Variants in SDK1 observed in about 807,000 individuals in gnomAD.
SDK1 encodes sidekick cell adhesion molecule 1, also known as protein sidekick-1.
In SDK1, 157 loss-of-function variants were observed where a neutral mutation model predicts 245.5. The ratio of observed to expected loss-of-function variants is 0.64; its 90% CI spans 0.56 to 0.73. The LOEUF (loss-of-function observed/expected upper bound fraction) is 0.73. SDK1 is among the 30% of genes least tolerant of loss of function. The probability of loss-of-function intolerance (pLI) is 0.00; values close to 1 mark genes in which losing one functional copy is unlikely to be tolerated. For missense variants in SDK1, 3,583 were observed against 3,002.3 expected, an observed-to-expected ratio of 1.19 and a Z score of -4.52; for synonymous variants, 1,647 against 1,278.5, an observed-to-expected ratio of 1.29 and a Z score of -6.15.
intron 4 of SDK1, among the ~76,000 whole-genome samples, chr7:3,684,730 G>T (rs1312757794): frequency 2.0e-5 from 3 of 149,250 alleles, no homozygotes; most frequent in Non-Finnish European, 3.0e-5. Context: ...AAAGTGCTTC[G>T]GTAAGTAATT....
intron 39 of SDK1, 21 bp downstream of exon 39, chr7:4,220,291 A>G (rs748788112): frequency 1.2e-6 from 2 of 1,604,436 alleles, no homozygotes. Flanking sequence ...CTCCAGGGGC[A>G]GACAATGTCA....
chr7:4,190,258 A>G (rs1366191558), intron 35 of SDK1, among the ~76,000 whole-genome samples: 2 of 152,196 alleles, frequency 1.3e-5, no homozygotes, highest in African/African-American at 4.8e-5. Context: ...TGCAAACCAC[A>G]GGCCGCCCCT....
intron 5 of SDK1, among the ~76,000 whole-genome samples, chr7:3,886,325 A>G (rs1291950267): frequency 6.6e-6 from 1 of 152,226 alleles, no homozygotes; most frequent in African/African-American, 2.4e-5. Context: ...AGAGATAGAG[A>G]TGCCGGACAT....
At chr7:3,449,289 G>C (rs761962897) in intron 1 of SDK1, among the ~76,000 whole-genome samples, 1 of 151,462 alleles carries the variant, frequency 6.6e-6, no homozygotes, top group Non-Finnish European at 1.5e-5. Context: ...GCCCTGCACA[G>C]AGCGATCAGA....
intron 1 of SDK1, among the ~76,000 whole-genome samples, chr7:3,529,160 A>G (rs968130294): frequency 2.6e-5 from 4 of 152,192 alleles, no homozygotes; most frequent in African/African-American, 9.7e-5. Context: ...GGAAGTATTA[A>G]TGTAAACACA....
intron 1 of SDK1, among the ~76,000 whole-genome samples, chr7:3,549,815 T>G (rs761558650): frequency 1.3e-5 from 2 of 152,068 alleles, no homozygotes; most frequent in East Asian, 3.9e-4. Context: ...CCAGCTAATG[T>G]GTTAACAGAG....
chr7:4,174,095 C>T, intron 32 of SDK1, 127 bp from the exon 33 acceptor site: 2 of 967,458 alleles, frequency 2.1e-6, no homozygotes, highest in African/African-American at 1.6e-5. Context: ...AATCTGACAC[C>T]TGTCGCTGGA....
intron 1 of SDK1, among the ~76,000 whole-genome samples, chr7:3,575,963 C>T (rs1039948253): frequency 1.3e-5 from 2 of 151,884 alleles, no homozygotes; most frequent in East Asian, 1.9e-4. Flanking sequence ...AGCCAGGTCA[C>T]CAGTGATTGA....
intron 1 of SDK1, among the ~76,000 whole-genome samples, chr7:3,594,892 G>C (rs893540975): frequency 1.7e-4 from 26 of 152,116 alleles, no homozygotes; most frequent in African/African-American, 2.4e-5. Context: ...AAAAGAAAAT[G>C]TTATTTCTAG....
In SDK1 at chr7:4,235,362, C is replaced by T. The variant is rs569448661; in HGVS notation, c.5992+1943C>T. ...TATTTTTAGTAGATACAGGGTTTCA[C>T]CCTGTTGGCCAGGCTGGTCTCGAAC... On this transcript the variant is annotated intron_variant, in intron 41 of 44. Coordinates refer to ENST00000404826, the MANE Select transcript of SDK1 (RefSeq NM_152744.4). Among the ~76,000 whole-genome samples, 16 of 152,290 alleles carry T rather than the reference C, an allele frequency of 1.1e-4. No individual in the cohort carries two copies. The South Asian group carries it at 3.3e-3, about 32-fold the overall frequency.
At chr7:3,753,065 A>G (rs1309310436) in intron 4 of SDK1, among the ~76,000 whole-genome samples, 1 of 152,194 alleles carries the variant, frequency 6.6e-6, no homozygotes, top group Non-Finnish European at 1.5e-5. Flanking sequence ...GAGATCTTTC[A>G]ATGTACTGCC....
chr7:4,083,159 C>T (rs190903594), intron 22 of SDK1, among the ~76,000 whole-genome samples: 1 of 152,136 alleles, frequency 6.6e-6, no homozygotes, highest in East Asian at 1.9e-4. Flanking sequence ...CAGCTTTTGA[C>T]TTAGCTACAC....
intron 1 of SDK1, among the ~76,000 whole-genome samples, chr7:3,508,944 G>A (rs1181766738): frequency 1.3e-5 from 2 of 152,180 alleles, no homozygotes; most frequent in Non-Finnish European, 2.9e-5. Context: ...TGCTCTTAAA[G>A]GATAAACATA....
At position 4,132,432 on chromosome 7, in the gene SDK1, G is replaced by A. The variant is rs1270005424; in HGVS notation, c.4228+9G>A. The A allele has an allele frequency of 1.9e-6, 3 of 1,596,676 alleles. No individual in the cohort carries two copies. The highest frequency in any genetic ancestry group is 3.4e-5 in the Admixed American group (2 of 59,434). On this transcript the variant is annotated intron_variant, in intron 28 of 44. Transcript: ENST00000404826. ...CAACGGCATCATCCTGGGTAAGGGA[G>A]CGGCGGTGGCCGGGCGTGGTGGCTC...
chr7:3,781,441 G>T (rs1780733899), intron 4 of SDK1, among the ~76,000 whole-genome samples: 1 of 152,112 alleles, frequency 6.6e-6, no homozygotes, highest in Non-Finnish European at 1.5e-5. Context: ...ATCTATTCCT[G>T]TCAAAGAACA....
chr7:3,630,254 A>G (rs1348173117), intron 2 of SDK1, among the ~76,000 whole-genome samples: 1 of 152,248 alleles, frequency 6.6e-6, no homozygotes, highest in Non-Finnish European at 1.5e-5. Flanking sequence ...TGGAGTTACC[A>G]GCCAGTGCAA....
intron 4 of SDK1, among the ~76,000 whole-genome samples, chr7:3,679,653 C>A (rs935008512): frequency 6.6e-6 from 1 of 152,180 alleles, no homozygotes; most frequent in Non-Finnish European, 1.5e-5. Flanking sequence ...ATGAAAATAC[C>A]TTTGCCATCA....
chr7:3,482,572 G>C (rs989233384), intron 1 of SDK1, among the ~76,000 whole-genome samples: 1 of 152,224 alleles, frequency 6.6e-6, no homozygotes, highest in Admixed American at 6.5e-5. Flanking sequence ...AGCAAGGAAA[G>C]CGCTTCTCTG....
At chr7:4,158,058 G>C (rs7811419) in intron 30 of SDK1, among the ~76,000 whole-genome samples, 1 of 152,058 alleles carries the variant, frequency 6.6e-6, no homozygotes, top group Admixed American at 6.5e-5. Context: ...GTGATGTGCC[G>C]ACTAGAGTGC....
Sources: gnomAD v4.1 joint callset for allele counts (sites outside exome capture counted in the v4.1 genomes callset) on GRCh38, gnomAD v4.1.1 for gene constraint, MANE v1.5 for transcripts, NCBI Gene and HGNC (gene_info 2026-07-23, HGNC 2026-07-21) for gene names.